Variants in GRIK3 observed in about 807,000 individuals in gnomAD.
GRIK3 encodes glutamate ionotropic receptor kainate type subunit 3, also known as glutamate receptor ionotropic, kainate 3.
GRIK3 carries 29 observed loss-of-function variants against 102.5 expected under a neutral mutation model. That is an observed-to-expected ratio of 0.28 (90% CI 0.21 to 0.39). The LOEUF is 0.39. GRIK3 is among the 10% of genes least tolerant of loss of function. GRIK3 has a pLI of 1.00. For missense variants in GRIK3, 908 were observed against 1,252.4 expected (o/e 0.73, Z 4.15); for synonymous variants, 511 against 504.9 (o/e 1.01, Z -0.16).
intron 15 of GRIK3, 42 bp downstream of exon 15, chr1:36,804,945 T>TC: frequency 6.2e-7 from 1 of 1,605,754 alleles, no homozygotes; most frequent in Non-Finnish European, 8.5e-7. Context: ...AGCGCGAATC[T>TC]CCATTTCCCA....
intron 10 of GRIK3, among the ~76,000 whole-genome samples, chr1:36,835,482 A>G (rs1267711892): frequency 6.6e-6 from 1 of 152,164 alleles, no homozygotes; most frequent in African/African-American, 2.4e-5. Flanking sequence ...GTCACCCTCT[A>G]TGGCAACCAG....
intron 2 of GRIK3, among the ~76,000 whole-genome samples, chr1:36,887,046 G>T (rs1014396934): frequency 6.6e-6 from 1 of 152,094 alleles, no homozygotes; most frequent in Non-Finnish European, 1.5e-5. Flanking sequence ...CATTAAAGTG[G>T]CTAGAAACAT....
At chr1:36,952,435 A>G (rs1641856399) in intron 1 of GRIK3, among the ~76,000 whole-genome samples, 1 of 152,250 alleles carries the variant, frequency 6.6e-6, no homozygotes, top group African/African-American at 2.4e-5. Context: ...GGATCAGTCA[A>G]ATCTGGATGT....
intron 7 of GRIK3, 22 bp downstream of exon 7, chr1:36,859,086 G>A: frequency 6.3e-7 from 1 of 1,583,800 alleles, no homozygotes. Context: ...GACAACACTG[G>A]TGGGGGCTGT....
chr1:36,827,465 C>G (rs953984463), intron 10 of GRIK3, among the ~76,000 whole-genome samples: 6 of 152,174 alleles, frequency 3.9e-5, no homozygotes, highest in Non-Finnish European at 1.5e-5. Context: ...AAACCCCTTT[C>G]CAAGGCAATG....
At chr1:37,005,812 C>A (rs1376919470) in intron 1 of GRIK3, among the ~76,000 whole-genome samples, 1 of 152,196 alleles carries the variant, frequency 6.6e-6, no homozygotes, top group South Asian at 2.1e-4. Context: ...AATCCTCTGT[C>A]CCCGTGGAGT....
rs555684525 is a variant in GRIK3, at chr1:36,900,524, A to T, written c.116-9428T>A. 3.3e-5 allele frequency among the ~76,000 whole-genome samples: 5 copies of T among 152,362 alleles called. No homozygotes were observed. The South Asian group carries it at 1.0e-3, about 32-fold the overall frequency. ...CTAAATAAAAATGAAAGCATAACTT[A>T]TCAAAATTTGTGGGATGTAGTGAAA... On this transcript the variant is annotated intron_variant, in intron 1 of 15. Transcript: ENST00000373091.
chr1:36,907,978 A>G (rs968332390), intron 1 of GRIK3, among the ~76,000 whole-genome samples: 4 of 152,056 alleles, frequency 2.6e-5, no homozygotes, highest in African/African-American at 9.7e-5. Context: ...GCCATCAATA[A>G]CCAACTAATA....
At chr1:36,840,304 T>C (rs868724694) in intron 10 of GRIK3, among the ~76,000 whole-genome samples, 1 of 152,030 alleles carries the variant, frequency 6.6e-6, no homozygotes. Flanking sequence ...TTCAGTCAAG[T>C]TGAGGGCCCT....
chr1:36,889,773 G>A (rs760913399), intron 2 of GRIK3, among the ~76,000 whole-genome samples: 1 of 152,190 alleles, frequency 6.6e-6, no homozygotes, highest in Non-Finnish European at 1.5e-5. Context: ...CCACTAGGGA[G>A]TCATTGTATT....
chr1:36,808,907 A>T (rs1373800628), intron 13 of GRIK3, among the ~76,000 whole-genome samples: 1 of 152,180 alleles, frequency 6.6e-6, no homozygotes, highest in Non-Finnish European at 1.5e-5. Flanking sequence ...TAATCAAAGT[A>T]TCCTAGTCCA....
intron 1 of GRIK3, among the ~76,000 whole-genome samples, chr1:36,969,738 C>T (rs542071818): frequency 6.6e-6 from 1 of 152,230 alleles, no homozygotes; most frequent in Admixed American, 6.5e-5. Context: ...ACGGAACTCA[C>T]AGAGTTCAAT....
chr1:36,948,124 A>G (rs1178954792), intron 1 of GRIK3, among the ~76,000 whole-genome samples: 2 of 152,144 alleles, frequency 1.3e-5, no homozygotes, highest in Admixed American at 6.5e-5. Context: ...CTGCTCCCCC[A>G]TGCAACACCT....
chr1:36,889,932 T>C (rs1303295780), intron 2 of GRIK3, among the ~76,000 whole-genome samples: 2 of 152,156 alleles, frequency 1.3e-5, no homozygotes, highest in Non-Finnish European at 2.9e-5. Flanking sequence ...AGTTGAGTCA[T>C]TTTCTAGCTG....
chr1:36,904,599 T>C (rs1056800378), intron 1 of GRIK3, among the ~76,000 whole-genome samples: 1 of 151,840 alleles, frequency 6.6e-6, no homozygotes, highest in African/African-American at 2.4e-5. Context: ...TTGAAAAAAA[T>C]AGAAACAGCT....
chr1:36,831,063 GT>G (rs1424850485), intron 10 of GRIK3, among the ~76,000 whole-genome samples: 1 of 152,182 alleles, frequency 6.6e-6, no homozygotes, highest in Admixed American at 6.5e-5. Context: ...GCCATTTGGT[GT>G]GGCAGCTCTA....
At chr1:36,833,212 C>T (rs953853849) in intron 10 of GRIK3, among the ~76,000 whole-genome samples, 5 of 152,168 alleles carry the variant, frequency 3.3e-5, no homozygotes, top group Admixed American at 6.5e-5. Context: ...GCTCTGGCGT[C>T]GGGTCTCCTG....
chr1:36,971,228 TC>T (rs1426164094), intron 1 of GRIK3, among the ~76,000 whole-genome samples: 1 of 152,190 alleles, frequency 6.6e-6, no homozygotes, highest in African/African-American at 2.4e-5. Flanking sequence ...CAAAGCAGCC[TC>T]ATCATCCTTC....
intron 1 of GRIK3, 22 bp from the exon 2 acceptor site, chr1:36,891,118 G>C (rs773020421): frequency 4.4e-6 from 7 of 1,593,268 alleles, no homozygotes; most frequent in Admixed American, 1.7e-5. Flanking sequence ...GAGTAAAATT[G>C]TGTGTGGTTG....
Sources: gnomAD v4.1 joint callset for allele counts (sites outside exome capture counted in the v4.1 genomes callset) on GRCh38, gnomAD v4.1.1 for gene constraint, MANE v1.5 for transcripts, NCBI Gene and HGNC (gene_info 2026-07-23, HGNC 2026-07-21) for gene names.